BAG2: variants seen among roughly 807,000 people sequenced by gnomAD.
BAG2 encodes BAG cochaperone 2, also known as BAG family molecular chaperone regulator 2.
A neutral mutation model predicts 16.4 loss-of-function variants in BAG2; 8 were observed. The ratio of observed to expected loss-of-function variants is 0.49; its 90% confidence interval spans 0.29 to 0.88. The LOEUF (loss-of-function observed/expected upper bound fraction) is 0.88, where lower values mean the gene tolerates loss of function less well. Among genes scored for constraint, BAG2 ranks in the 40% least tolerant of loss-of-function variants. The pLI, the probability that BAG2 is intolerant of heterozygous loss-of-function variation, is 0.09. For synonymous variants in BAG2, 82 were observed against 89.2 expected (o/e 0.92, Z 0.46); for missense variants, 218 against 248.9 (o/e 0.88, Z 0.84).
At chr6:57,175,321 G>A (rs980660504) in intron 1 of BAG2, among the ~76,000 whole-genome samples, 1 of 152,054 alleles carries the variant, frequency 6.6e-6, no homozygotes, top group South Asian at 2.1e-4. Flanking sequence ...CATAACCCTT[G>A]TTACAGTCTT....
chr6:57,182,552 ATGAAT>A (rs1289082562), intron 2 of BAG2, among the ~76,000 whole-genome samples: 1 of 149,156 alleles, frequency 6.7e-6, no homozygotes, highest in Admixed American at 6.7e-5. Context: ...AAAAAAAAAG[ATGAAT>A]TGAGGTACAA....
intron 1 of BAG2, among the ~76,000 whole-genome samples, chr6:57,175,965 TG>T (rs1487307574): frequency 4.6e-5 from 7 of 152,258 alleles, no homozygotes; most frequent in African/African-American, 1.7e-4. Flanking sequence ...GGTGGGGTCT[TG>T]GGGACTGAGC....
intron 1 of BAG2, 103 bp downstream of exon 1, chr6:57,172,913 A>T: frequency 9.8e-7 from 1 of 1,023,806 alleles, no homozygotes; most frequent in Non-Finnish European, 1.3e-6. Flanking sequence ...GGCCTGGGGC[A>T]CAGTGAGGCT....
chr6:57,188,144 G>A lies in BAG2; in HGVS notation c.*3954G>A, dbSNP rs1764681815. 1 of 152,018 alleles carries A rather than the reference G, an allele frequency of 6.6e-6. No individual in the cohort carries two copies. The highest frequency in any genetic ancestry group is 2.4e-5 in the African/African-American group (1 of 41,384). 9.4% of individuals were successfully genotyped at this position (152,018 alleles called of 1,614,324 possible). ...GGAAAAGTTTTTCTTTAGTATACAT[G>A]GTTTCATAAAATTAAAGTTATTTAA... On this transcript the variant is annotated 3_prime_UTR_variant, in exon 3 of 3. Coordinates refer to ENST00000370693, the MANE Select transcript of BAG2 (RefSeq NM_004282.4).
chr6:57,173,064 AC>A, intron 1 of BAG2: 1 of 875,006 alleles, frequency 1.1e-6, no homozygotes, highest in Non-Finnish European at 1.5e-6. Flanking sequence ...CGGTGGCCAC[AC>A]TTTGATTAAT....
Position 57,183,984 on chromosome 6 carries a change from T to A in BAG2, c.430T>A (p.Ser144Thr), listed in dbSNP as rs1217132590. Residue 144 changes from serine to threonine, a missense_variant, in exon 3 of 3, where the codon TCT (serine) becomes ACT (threonine). Physicochemically the swap from Ser to Thr is moderately conservative, Grantham distance 58. Around this residue, in one of 3 missense-constraint regions of BAG2, gnomAD observed 113 missense variants for 128.0 expected, o/e 0.88. Coordinates refer to ENST00000370693, the MANE Select transcript of BAG2 (RefSeq NM_004282.4). ...AATGTCGCTCTACAGTGCATGTTCA[T>A]CTGAGGTGCCACATGGGCCAGTTGA... ...HLMSLYSACSSEVPHGPVDQK... is the reference protein window; with the variant it reads ...HLMSLYSACSTEVPHGPVDQK... The A allele has an allele frequency of 1.7e-5, 28 of 1,613,052 alleles. No individual in the cohort carries two copies. Among genetic ancestry groups the A allele is most frequent in the Non-Finnish European group, 2.4e-5 (28 of 1,179,772 alleles).
rs1446978170 is a variant in BAG2 at position 57,189,135 on chromosome 6, G to C, written c.*4945G>C. The C allele has an allele frequency of 6.6e-6, 1 of 152,206 alleles. No individual in the cohort carries two copies. 9.4% of individuals were successfully genotyped at this position (152,206 alleles called of 1,614,324 possible). On this transcript the variant is annotated 3_prime_UTR_variant, in exon 3 of 3. Transcript: ENST00000370693. ...TTCACGCAATTATCTTAGCTGGAAA[G>C]CTACTGTCCCAAGTGACAAAATTTA... is the stretch of plus-strand genomic sequence containing the variant.
intron 1 of BAG2, among the ~76,000 whole-genome samples, chr6:57,179,528 G>A (rs1168713012): frequency 6.6e-6 from 1 of 152,124 alleles, no homozygotes; most frequent in Non-Finnish European, 1.5e-5. Context: ...TAAAACATTG[G>A]TGAAGTTGTT....
intron 1 of BAG2, among the ~76,000 whole-genome samples, chr6:57,175,879 AAG>A (rs1360537883): frequency 1.3e-5 from 2 of 152,128 alleles, no homozygotes; most frequent in African/African-American, 4.8e-5. Context: ...GTTAAACCCA[AAG>A]AGGGGGACAT....
At chr6:57,181,330 T>G (rs1415018384) in intron 1 of BAG2, among the ~76,000 whole-genome samples, 1 of 151,600 alleles carries the variant, frequency 6.6e-6, no homozygotes, top group African/African-American at 2.4e-5. Flanking sequence ...TCTGGGAGAG[T>G]GGAGAGGGAA....
intron 1 of BAG2, among the ~76,000 whole-genome samples, chr6:57,180,289 CTT>C (rs1764400722): frequency 1.3e-5 from 2 of 152,080 alleles, no homozygotes; most frequent in Admixed American, 1.3e-4. Context: ...TCTAATTTCT[CTT>C]GTTTTTTGAG....
At position 57,189,612 on chromosome 6, in the gene BAG2, G is replaced by A. The variant is rs1764753865; in HGVS notation, c.*5422G>A. On this transcript the variant is annotated 3_prime_UTR_variant, in exon 3 of 3. Coordinates refer to ENST00000370693, the MANE Select transcript of BAG2 (RefSeq NM_004282.4). ...CTGCAATAAGGCTCACCTGGGAGAT[G>A]CTCTAGCATTCAAATTCCTATACTC... 1 of 152,572 alleles carries A rather than the reference G, an allele frequency of 6.6e-6. No homozygotes were observed. The highest frequency in any genetic ancestry group is 1.9e-4 in the East Asian group (1 of 5,194). The allele number at this position is 152,572 out of a possible 1,614,324, so 9.5% of individuals were successfully genotyped here. A position where few individuals can be genotyped will look rare whatever the true frequency, so the allele number is the denominator to read the frequency against.
intron 1 of BAG2, chr6:57,173,396 G>T: frequency 1.0e-6 from 1 of 985,414 alleles, no homozygotes; most frequent in Non-Finnish European, 1.2e-6. Context: ...GTGCAGCAGA[G>T]ACGTTGCCGC....
Position 57,172,568 on chromosome 6 carries a change from G to GC in BAG2, c.-125dup. The GC allele has an allele frequency of 1.4e-6, 1 of 700,056 alleles. No homozygotes were observed. The highest frequency in any genetic ancestry group is 3.5e-5 in the East Asian group (1 of 28,676). 43.4% of individuals were successfully genotyped at this position (700,056 alleles called of 1,614,324 possible). On this transcript the variant is annotated 5_prime_UTR_variant, in exon 1 of 3. Transcript: ENST00000370693. Reference sequence around the variant, plus strand: ...CGGTGTCGGCGAGTCCTCCCGGGTTGCCCCCGCGGGCGTCAGAGGGAGGGC... The same window carrying GC: ...CGGTGTCGGCGAGTCCTCCCGGGTTGCCCCCCGCGGGCGTCAGAGGGAGGGC...
intron 1 of BAG2, among the ~76,000 whole-genome samples, chr6:57,177,490 T>C (rs1309230351): frequency 6.6e-6 from 1 of 152,208 alleles, no homozygotes; most frequent in Non-Finnish European, 1.5e-5. Flanking sequence ...CCCTCCTTTT[T>C]ATGAAAGCAC....
chr6:57,172,862 C>T (rs1373470884), intron 1 of BAG2, 52 bp downstream of exon 1: 1 of 1,382,944 alleles, frequency 7.2e-7, no homozygotes, highest in Non-Finnish European at 9.5e-7. Context: ...GCGGGCGGTT[C>T]GCGGGCGGTT....
In BAG2 at chr6:57,185,480, T is replaced by C. The variant is rs765583835; in HGVS notation, c.*1290T>C. Reference sequence around the variant, plus strand: ...AAGATCCAAACTGACTTTATGTATGTATATATCTCTCAATGCAAGCAATAT... The same window carrying C: ...AAGATCCAAACTGACTTTATGTATGCATATATCTCTCAATGCAAGCAATAT... On this transcript the variant is annotated 3_prime_UTR_variant, in exon 3 of 3. Transcript: ENST00000370693. 1.3e-5 allele frequency: 2 copies of C among 152,222 alleles called. No homozygotes were observed. Among genetic ancestry groups the C allele is most frequent in the Non-Finnish European group, 2.9e-5 (2 of 68,036 alleles). 9.4% of individuals were successfully genotyped at this position (152,222 alleles called of 1,614,324 possible).
Position 57,188,744 on chromosome 6 carries a change from G to A in BAG2, c.*4554G>A, listed in dbSNP as rs1593202057. The A allele has an allele frequency of 6.6e-6, 1 of 152,166 alleles. No homozygotes were observed. Among genetic ancestry groups the A allele is most frequent in the East Asian group, 1.9e-4 (1 of 5,196 alleles). 9.4% of individuals were successfully genotyped at this position (152,166 alleles called of 1,614,324 possible). A position where few individuals can be genotyped will look rare whatever the true frequency, so the allele number is the denominator to read the frequency against. Reference sequence around the variant, plus strand: ...AAGCATTTTACATTACTGTGAAATAGATAATGCCAGATCATTTCAATATAA... The same window carrying A: ...AAGCATTTTACATTACTGTGAAATAAATAATGCCAGATCATTTCAATATAA... On this transcript the variant is annotated 3_prime_UTR_variant, in exon 3 of 3. Transcript: ENST00000370693.
rs183728323 is a variant in BAG2 at position 57,187,157 on chromosome 6, A to C, written c.*2967A>C. 1.1e-3 allele frequency: 168 copies of C among 152,314 alleles called. No homozygotes were observed. Among genetic ancestry groups the C allele is most frequent in the African/African-American group, 3.9e-3 (162 of 41,574 alleles). The allele number at this position is 152,314 out of a possible 1,614,324, so 9.4% of individuals were successfully genotyped here. On this transcript the variant is annotated 3_prime_UTR_variant, in exon 3 of 3. Coordinates refer to ENST00000370693, the MANE Select transcript of BAG2 (RefSeq NM_004282.4). ...ACAAAAGCATTATTTATTAGTAATA[A>C]AAATATAGAAGGAATTCAGTTTTCC...
Sources: allele counts gnomAD v4.1 joint callset (sites outside exome capture counted in the v4.1 genomes callset), GRCh38; gene constraint gnomAD v4.1.1; regional missense constraint gnomAD v4.1.1; transcripts MANE v1.5; gene names NCBI Gene and HGNC (gene_info 2026-07-23, HGNC 2026-07-21).